Variants in CNTN3 observed in about 807,000 individuals in gnomAD.
CNTN3 encodes the protein contactin-3.
Under a neutral mutation model 119.1 loss-of-function variants are expected in CNTN3, and 60 were observed. The observed-to-expected ratio is 0.50, with a 90% CI of 0.41 to 0.62. The LOEUF is 0.62. Among genes scored for constraint, CNTN3 ranks in the 20% least tolerant of loss-of-function variants. The probability of loss-of-function intolerance (pLI) is 0.00; values close to 1 mark genes in which losing one functional copy is unlikely to be tolerated. For missense variants in CNTN3, 1,101 were observed against 1,242.4 expected (o/e 0.89, Z 1.71); for synonymous variants, 450 against 438.7 (o/e 1.03, Z -0.32).
chr3:74,589,164 C>G (rs1412891496), intron 1 of CNTN3, among the ~76,000 whole-genome samples: 1 of 152,154 alleles, frequency 6.6e-6, no homozygotes, highest in Non-Finnish European at 1.5e-5. Flanking sequence ...TCAGAGTGAA[C>G]AGGCAACCTA....
intron 20 of CNTN3, chr3:74,267,593 A>T (rs1701689196): frequency 2.1e-6 from 1 of 471,630 alleles, no homozygotes. Context: ...CCCCCGTGAC[A>T]CGTAATTTAT....
intron 4 of CNTN3, among the ~76,000 whole-genome samples, chr3:74,441,280 A>C (rs960016709): frequency 7.9e-5 from 12 of 152,164 alleles, no homozygotes; most frequent in African/African-American, 2.9e-4. Flanking sequence ...ACACTAAAGC[A>C]TAATAGATGG....
Position 74,298,149 on chromosome 3 carries a change from C to T in CNTN3, c.2209G>A (p.Val737Ile), listed in dbSNP as rs1292502084. 6.2e-7 allele frequency: 1 copy of T among 1,609,192 alleles called. No homozygotes were observed. ...ACCCCAAGAGGGCGGAAAGCAACAA[C>T]ATACCCAAAACCTTCACCATTCTGT... ...ELQNGEGFGY[V>I]VAFRPLGVTT... is the part of the protein sequence containing the mutation. Residue 737 changes from valine to isoleucine, a missense_variant, in exon 18 of 23, where the codon GTT becomes ATT. Coordinates refer to ENST00000263665, the MANE Select transcript of CNTN3 (RefSeq NM_020872.3).
chr3:74,451,820 G>C (rs1025977414), intron 4 of CNTN3, among the ~76,000 whole-genome samples: 1 of 150,500 alleles, frequency 6.6e-6, no homozygotes. Flanking sequence ...AGATCAGATA[G>C]TTGTAGATAT....
intron 1 of CNTN3, among the ~76,000 whole-genome samples, chr3:74,599,673 C>A (rs1401204837): frequency 6.6e-6 from 1 of 152,010 alleles, no homozygotes; most frequent in African/African-American, 2.4e-5. Flanking sequence ...ATACAAAAAA[C>A]CATGTACAAG....
At chr3:74,482,089 T>C (rs1702773544) in intron 4 of CNTN3, among the ~76,000 whole-genome samples, 1 of 151,902 alleles carries the variant, frequency 6.6e-6, no homozygotes, top group Admixed American at 6.6e-5. Flanking sequence ...AATTCCAATA[T>C]TTCTCGACAT....
At chr3:74,612,433 A>C (rs1705098923) in intron 1 of CNTN3, among the ~76,000 whole-genome samples, 1 of 152,164 alleles carries the variant, frequency 6.6e-6, no homozygotes, top group African/African-American at 2.4e-5. Context: ...TGTTGTGAAG[A>C]ATATTTAAAA....
At chr3:74,596,817 C>G (rs1160292555) in intron 1 of CNTN3, among the ~76,000 whole-genome samples, 1 of 152,044 alleles carries the variant, frequency 6.6e-6, no homozygotes, top group East Asian at 1.9e-4. Flanking sequence ...ACCACGGGTT[C>G]TTCAATCTGG....
intron 4 of CNTN3, among the ~76,000 whole-genome samples, chr3:74,446,422 A>G (rs1702049476): frequency 6.6e-6 from 1 of 152,108 alleles, no homozygotes; most frequent in South Asian, 2.1e-4. Flanking sequence ...GTGTGTGTGT[A>G]GAAAGGAGAA....
chr3:74,382,653 C>T (rs749787854), intron 5 of CNTN3, among the ~76,000 whole-genome samples: 1 of 152,152 alleles, frequency 6.6e-6, no homozygotes, highest in African/African-American at 2.4e-5. Flanking sequence ...TTTCACTTAG[C>T]GTAATGTCTT....
At chr3:74,501,032 T>C (rs534966916) in intron 2 of CNTN3, among the ~76,000 whole-genome samples, 2 of 152,094 alleles carry the variant, frequency 1.3e-5, no homozygotes, top group South Asian at 2.1e-4. Flanking sequence ...ACTCTTTATG[T>C]AAGGAATTTG....
intron 1 of CNTN3, among the ~76,000 whole-genome samples, chr3:74,607,462 T>C (rs1705011703): frequency 1.3e-5 from 2 of 152,232 alleles, no homozygotes; most frequent in Non-Finnish European, 2.9e-5. Context: ...AGTTAGAACC[T>C]GCATGAAGCA....
chr3:74,607,601 C>G lies in CNTN3; in HGVS notation c.-81+6790G>C, dbSNP rs975043599. ...GGGGAAGTCAACACAGATTCCCAAA[C>G]CAAAGACACAGAGAACCACCCAAAT... On this transcript the variant is annotated intron_variant, in intron 1 of 22. Coordinates refer to ENST00000263665, the MANE Select transcript of CNTN3 (RefSeq NM_020872.3). Among the ~76,000 whole-genome samples, 5 of 152,198 alleles carry G rather than the reference C, an allele frequency of 3.3e-5. No individual in the cohort carries two copies. The East Asian group carries it at 9.7e-4, about 29-fold the overall frequency.
At chr3:74,368,799 G>T (rs1322016180) in intron 8 of CNTN3, among the ~76,000 whole-genome samples, 1 of 151,580 alleles carries the variant, frequency 6.6e-6, no homozygotes, top group Non-Finnish European at 1.5e-5. Flanking sequence ...TTTCCCAAAA[G>T]GCAGTTTTTT....
At chr3:74,357,031 C>G (rs144256779) in intron 11 of CNTN3, among the ~76,000 whole-genome samples, 1 of 151,868 alleles carries the variant, frequency 6.6e-6, no homozygotes, top group Non-Finnish European at 1.5e-5. Context: ...TCACGCCATT[C>G]TCCTGCCTCA....
intron 8 of CNTN3, among the ~76,000 whole-genome samples, chr3:74,368,388 G>A (rs1253701942): frequency 2.0e-5 from 3 of 151,954 alleles, no homozygotes; most frequent in African/African-American, 7.2e-5. Flanking sequence ...TGACAAGAGT[G>A]GTCAATTCCC....
intron 2 of CNTN3, among the ~76,000 whole-genome samples, chr3:74,508,052 G>A (rs1703296488): frequency 6.6e-6 from 1 of 152,172 alleles, no homozygotes. Context: ...AAGGATAACT[G>A]ATATGAGTAG....
At chr3:74,346,613 C>G (rs146519350) in intron 11 of CNTN3, among the ~76,000 whole-genome samples, 1 of 152,222 alleles carries the variant, frequency 6.6e-6, no homozygotes, top group East Asian at 1.9e-4. Context: ...TATAACAGAT[C>G]ATAAATTATG....
intron 4 of CNTN3, among the ~76,000 whole-genome samples, chr3:74,447,698 C>T (rs1702073168): frequency 1.3e-5 from 2 of 152,242 alleles, no homozygotes; most frequent in South Asian, 4.1e-4. Flanking sequence ...TTAAGATTTA[C>T]CATTAACTCT....
Sources: allele counts gnomAD v4.1 joint callset (sites outside exome capture counted in the v4.1 genomes callset), GRCh38; gene constraint gnomAD v4.1.1; transcripts MANE v1.5; gene names NCBI Gene and HGNC (gene_info 2026-07-23, HGNC 2026-07-21).